The following CIT variants were observed in gnomAD, a reference collection of about 807,000 sequenced individuals.
CIT encodes the protein citron rho-interacting serine/threonine kinase.
CIT carries 79 observed loss-of-function variants against 272.7 expected under a neutral mutation model. The observed-to-expected ratio is 0.29, with a 90% confidence interval of 0.24 to 0.35. The LOEUF is 0.35. Among genes scored for constraint, CIT ranks in the 10% least tolerant of loss-of-function variants. The pLI, the probability that CIT is intolerant of heterozygous loss-of-function variation, is 1.00. For synonymous variants in CIT, 948 were observed against 995.6 expected, an observed-to-expected ratio of 0.95 and a Z score of 0.90; for missense variants, 1,909 against 2,618.3, an observed-to-expected ratio of 0.73 and a Z score of 5.91.
intron 10 of CIT, among the ~76,000 whole-genome samples, chr12:119,792,384 T>C (rs539008034): frequency 1.3e-5 from 2 of 152,290 alleles, no homozygotes; most frequent in Admixed American, 1.3e-4. Context: ...AGATGTAATA[T>C]GCTGCAAAAA....
intron 37 of CIT, among the ~76,000 whole-genome samples, chr12:119,711,945 C>T (rs1323632159): frequency 6.6e-6 from 1 of 152,176 alleles, no homozygotes; most frequent in Non-Finnish European, 1.5e-5. Flanking sequence ...GCATGAGCCA[C>T]CGCATCCCTG....
intron 23 of CIT, 69 bp downstream of exon 23, chr12:119,751,981 C>A: frequency 7.4e-7 from 1 of 1,352,904 alleles, no homozygotes; most frequent in South Asian, 1.3e-5. Flanking sequence ...CCAGTATACT[C>A]AGTGCCAGTT....
chr12:119,874,866 G>A (rs554297557), intron 2 of CIT, among the ~76,000 whole-genome samples: 7 of 138,088 alleles, frequency 5.1e-5, no homozygotes, highest in African/African-American at 1.7e-4. Context: ...CAGCCTGGGC[G>A]ACAGCGAAGA....
intron 3 of CIT, among the ~76,000 whole-genome samples, chr12:119,862,808 T>TAAAAAAAAAAAA (rs1157467178): frequency 5.9e-4 from 6 of 10,250 alleles, no homozygotes; most frequent in Non-Finnish European, 9.4e-4. Context: ...AGACTCTACC[T>TAAAAAAAAAAAA]AAAAAAAAAA....
intron 4 of CIT, among the ~76,000 whole-genome samples, chr12:119,854,116 C>T (rs1401644116): frequency 6.6e-6 from 1 of 151,974 alleles, no homozygotes; most frequent in South Asian, 2.1e-4. Flanking sequence ...CAACCTCTGC[C>T]TCCCAGATTC....
rs549641152 is a variant in CIT, at chr12:119,828,586, T to TA, written c.754-3219dup. Among the ~76,000 whole-genome samples the TA allele has an allele frequency of 1.8e-3, 277 of 151,170 alleles. 1 individual carries two copies. Among genetic ancestry groups the TA allele is most frequent in the Admixed American group, 3.8e-3 (57 of 15,196 alleles). On this transcript the variant is annotated intron_variant, in intron 7 of 47. Transcript: ENST00000392521. ...AACTTAGTTAATTTTTTTTTTTTTT[T>TA]AAAGACTGCTCTGTCGCCCAGGCTA...
chr12:119,725,636 C>G (rs1030796340), intron 28 of CIT, among the ~76,000 whole-genome samples: 2 of 152,148 alleles, frequency 1.3e-5, no homozygotes, highest in Middle Eastern at 3.4e-3. Flanking sequence ...AGTCTGTGCT[C>G]AAAAATCTTT....
At chr12:119,777,547 G>A (rs1449123004) in intron 13 of CIT, among the ~76,000 whole-genome samples, 1 of 150,328 alleles carries the variant, frequency 6.7e-6, no homozygotes, top group Non-Finnish European at 1.5e-5. Context: ...GTGGACGCCT[G>A]TAATCCCAGC....
intron 24 of CIT, among the ~76,000 whole-genome samples, chr12:119,736,409 A>G (rs753878943): frequency 2.0e-5 from 3 of 152,140 alleles, no homozygotes; most frequent in Non-Finnish European, 4.4e-5. Context: ...CTTCCCAGGC[A>G]CATGAAATTA....
Position 119,804,119 on chromosome 12 carries a change from G to A in CIT, c.1112-730C>T. The A allele has an allele frequency of 1.0e-6, 1 of 969,592 alleles. No homozygotes were observed. The highest frequency in any genetic ancestry group is 1.2e-6 in the Non-Finnish European group (1 of 815,570). 60.1% of individuals were successfully genotyped at this position (969,592 alleles called of 1,614,324 possible). A position where few individuals can be genotyped will look rare whatever the true frequency, so the allele number is the denominator to read the frequency against. On this transcript the variant is annotated intron_variant, in intron 9 of 47. Transcript: ENST00000392521. The surrounding 1 kb of genome is among the most constrained non-coding windows in gnomAD (Gnocchi z 5.3). ...TACCGGTGATCTACAGCACCCCTGC[G>A]CGCTGACGGTGGGAATGCACGGATG...
intron 10 of CIT, among the ~76,000 whole-genome samples, chr12:119,796,354 G>A (rs1305455496): frequency 1.3e-5 from 2 of 152,188 alleles, no homozygotes. Context: ...AAGAGTCCAT[G>A]ATGGGTGCCA....
chr12:119,742,354 T>G, intron 24 of CIT, 57 bp downstream of exon 24: 1 of 1,279,688 alleles, frequency 7.8e-7, no homozygotes, highest in East Asian at 2.5e-5. Flanking sequence ...CGTCCCCTTT[T>G]CCTCCTCTGT....
At chr12:119,816,243 G>A (rs953420698) in intron 9 of CIT, among the ~76,000 whole-genome samples, 1 of 152,164 alleles carries the variant, frequency 6.6e-6, no homozygotes, top group Non-Finnish European at 1.5e-5. Context: ...GGGGTTCAGG[G>A]AGTCAAGGAA....
chr12:119,727,754 C>G (rs1958191447), intron 28 of CIT, among the ~76,000 whole-genome samples: 1 of 142,958 alleles, frequency 7.0e-6, no homozygotes, highest in Non-Finnish European at 1.6e-5. Context: ...CATGGGGAAA[C>G]CCCATCTCTA....
chr12:119,868,119 C>T (rs1405060053), intron 3 of CIT, among the ~76,000 whole-genome samples: 1 of 151,968 alleles, frequency 6.6e-6, no homozygotes, highest in Non-Finnish European at 1.5e-5. Context: ...GTAGTCCCAG[C>T]CACTGGGGTG....
chr12:119,825,505 G>A, intron 7 of CIT, 137 bp from the exon 8 acceptor site: 1 of 703,414 alleles, frequency 1.4e-6, no homozygotes, highest in Non-Finnish European at 2.3e-6. Flanking sequence ...CTGTCAAGTG[G>A]CACACTGTCA....
intron 16 of CIT, among the ~76,000 whole-genome samples, chr12:119,773,940 C>T (rs1234843343): frequency 6.6e-6 from 1 of 152,022 alleles, no homozygotes; most frequent in African/African-American, 2.4e-5. Flanking sequence ...AAGCAATATG[C>T]AGTATGTCTA....
intron 3 of CIT, among the ~76,000 whole-genome samples, chr12:119,858,811 G>A (rs1456981404): frequency 1.1e-4 from 17 of 150,556 alleles, no homozygotes; most frequent in Admixed American, 4.0e-4. Flanking sequence ...GACAGAGCGA[G>A]ACTCCATCTC....
rs758584610 is a variant in CIT, at chr12:119,757,541, C to A, written c.2536G>T (p.Ala846Ser). The A allele has an allele frequency of 6.2e-7, 1 of 1,604,582 alleles. No individual in the cohort carries two copies. Among genetic ancestry groups the A allele is most frequent in the South Asian group, 1.1e-5 (1 of 90,840 alleles). Residue 846 changes from alanine (A) to serine (S), a missense_variant, in exon 22 of 48, where the codon GCC becomes TCC. By Grantham distance (99) the Ala-to-Ser change is moderately conservative. Transcript: ENST00000392521. ...AGTTCAGAAATCATCTCTTCTTGGG[C>A]CTTCCTGGTGGGGGTGGTGGGAGGA... ...SSLFTQRNMK[A>S]QEEMISELRQ...
Sources: allele counts gnomAD v4.1 joint callset (sites outside exome capture counted in the v4.1 genomes callset), GRCh38; gene constraint gnomAD v4.1.1; non-coding constraint Gnocchi (gnomAD v3.1); transcripts MANE v1.5; gene names NCBI Gene and HGNC (gene_info 2026-07-23, HGNC 2026-07-21).